Variants in PCDH15 observed in about 807,000 individuals in gnomAD.
PCDH15 encodes the protein protocadherin related 15.
A neutral mutation model predicts 178.5 loss-of-function variants in PCDH15; 129 were observed. That is an observed-to-expected ratio of 0.72 (90% CI 0.63 to 0.84). The LOEUF (loss-of-function observed/expected upper bound fraction) is 0.84, where lower values mean the gene tolerates loss of function less well. Ranked by LOEUF, PCDH15 falls within the 40% of genes least tolerant of loss-of-function variation. The pLI, the probability that PCDH15 is intolerant of heterozygous loss-of-function variation, is 0.00. For missense variants in PCDH15, 2,230 were observed against 2,099.9 expected, an observed-to-expected ratio of 1.06 and a Z score of -1.21; for synonymous variants, 800 against 732.0, an observed-to-expected ratio of 1.09 and a Z score of -1.50.
At chr10:55,017,271 A>G (rs1486633961) in intron 2 of PCDH15, among the ~76,000 whole-genome samples, 1 of 152,036 alleles carries the variant, frequency 6.6e-6, no homozygotes, top group African/African-American at 2.4e-5. Flanking sequence ...ACCTAAATTA[A>G]TTATGCCTCC....
At chr10:54,888,991 A>T (rs1394584641) in intron 3 of PCDH15, among the ~76,000 whole-genome samples, 1 of 151,850 alleles carries the variant, frequency 6.6e-6, no homozygotes, top group Non-Finnish European at 1.5e-5. Context: ...GGTGCATTTG[A>T]CACACACAAT....
intron 3 of PCDH15, among the ~76,000 whole-genome samples, chr10:54,807,060 T>C (rs1952790545): frequency 6.6e-6 from 1 of 152,184 alleles, no homozygotes; most frequent in Non-Finnish European, 1.5e-5. Context: ...AGGGAAAGGA[T>C]TTATACAAGA....
At chr10:54,058,646 C>A (rs1477729052) in intron 18 of PCDH15, among the ~76,000 whole-genome samples, 4 of 151,912 alleles carry the variant, frequency 2.6e-5, no homozygotes, top group East Asian at 1.9e-4. Flanking sequence ...GGGATACAAC[C>A]AAACCATATC....
chr10:55,302,659 G>T (rs751847466), intron 1 of PCDH15, among the ~76,000 whole-genome samples: 1 of 151,960 alleles, frequency 6.6e-6, no homozygotes, highest in Non-Finnish European at 1.5e-5. Context: ...TGATTTAAAC[G>T]GTTATCTCAT....
Position 54,858,769 on chromosome 10 carries a change from G to A in PCDH15, c.-29+38681C>T, listed in dbSNP as rs541778562. Among the ~76,000 whole-genome samples the A allele has an allele frequency of 3.3e-5, 5 of 151,950 alleles. No homozygotes were observed. The East Asian group carries it at 7.8e-4, about 24-fold the overall frequency. On this transcript the variant is annotated intron_variant, in intron 3 of 5. Coordinates refer to the PCDH15 transcript ENST00000458638. ...AAAATAATTATATATACATATGCAT[G>A]CATAACTATATAATTTATAATGGGT...
At chr10:55,003,242 T>G (rs1839836922) in intron 2 of PCDH15, among the ~76,000 whole-genome samples, 1 of 152,204 alleles carries the variant, frequency 6.6e-6, no homozygotes, top group Admixed American at 6.6e-5. Flanking sequence ...AGGGCTTGCT[T>G]CTTCCAGGGA....
At chr10:55,240,618 A>G (rs570492859) in intron 1 of PCDH15, among the ~76,000 whole-genome samples, 38 of 152,224 alleles carry the variant, frequency 2.5e-4, no homozygotes, top group Admixed American at 6.5e-4. Flanking sequence ...GTATGAGTGC[A>G]TGCAGATTTC....
chr10:54,002,867 A>G (rs954435225), intron 20 of PCDH15, among the ~76,000 whole-genome samples: 32 of 152,176 alleles, frequency 2.1e-4, no homozygotes, highest in African/African-American at 7.2e-4. Flanking sequence ...ACACAGGGAT[A>G]TAAGTCCTAG....
intron 8 of PCDH15, among the ~76,000 whole-genome samples, chr10:54,273,100 G>A (rs747897595): frequency 8.5e-5 from 13 of 152,080 alleles, no homozygotes; most frequent in Non-Finnish European, 1.9e-4. Flanking sequence ...TGACCCAAAT[G>A]TGAGAAAGAA....
At chr10:54,909,023 G>C (rs1482690934) in intron 2 of PCDH15, among the ~76,000 whole-genome samples, 1 of 152,172 alleles carries the variant, frequency 6.6e-6, no homozygotes, top group Non-Finnish European at 1.5e-5. Flanking sequence ...CGAGTGTCCA[G>C]CTTTCAGCAG....
intron 2 of PCDH15, among the ~76,000 whole-genome samples, chr10:55,432,519 C>A (rs1395347196): frequency 6.6e-6 from 1 of 151,908 alleles, no homozygotes; most frequent in African/African-American, 2.4e-5. Flanking sequence ...TTACAAATAT[C>A]CAGGTAAGAG....
chr10:54,546,278 T>C (rs950104080), intron 2 of PCDH15, among the ~76,000 whole-genome samples: 6 of 152,178 alleles, frequency 3.9e-5, no homozygotes, highest in Admixed American at 1.3e-4. Context: ...AAAATATATA[T>C]TCATGTTGTT....
rs368863828 is a variant in PCDH15, at chr10:54,317,273, G to A, written c.874C>T (p.Pro292Ser). ...YQAAIPELRT[P>S]EELNPIIVTP... ...GAGAAAGATAAGAGTATATTTACCGGAGTTCTCAACTCAGGTATGGCAGCT... is the reference window on the plus strand; with the variant it reads ...GAGAAAGATAAGAGTATATTTACCGAAGTTCTCAACTCAGGTATGGCAGCT... The change falls in exon 8 of 38, where the codon CCG (proline) becomes TCG (serine). Residue 292 changes from proline to serine, a missense_variant and splice_region_variant. By Grantham distance (74) the Pro-to-Ser change is moderately conservative (BLOSUM62 -1). Coordinates refer to ENST00000644397, the MANE Select transcript of PCDH15 (RefSeq NM_001384140.1). 2.5e-6 allele frequency: 4 copies of A among 1,613,028 alleles called. No homozygotes were observed. The African/African-American group carries it at 4.0e-5, about 16-fold the overall frequency.
chr10:54,329,541 G>T, intron 7 of PCDH15, 55 bp downstream of exon 7: 2 of 1,297,674 alleles, frequency 1.5e-6, no homozygotes, highest in Non-Finnish European at 2.2e-6. Context: ...CATTTTGGAT[G>T]AGTTTTTTAC....
chr10:54,976,794 A>G (rs1453665219), intron 2 of PCDH15, among the ~76,000 whole-genome samples: 1 of 152,122 alleles, frequency 6.6e-6, no homozygotes, highest in Non-Finnish European at 1.5e-5. Context: ...ACTTTCATTA[A>G]TCTTACAGAG....
chr10:55,067,149 T>C (rs985641291), intron 2 of PCDH15, among the ~76,000 whole-genome samples: 2 of 152,030 alleles, frequency 1.3e-5, no homozygotes, highest in Non-Finnish European at 2.9e-5. Context: ...GGTATAATTA[T>C]AGTTACTCTA....
chr10:54,410,606 A>C (rs1953345628), intron 3 of PCDH15, among the ~76,000 whole-genome samples: 3 of 152,182 alleles, frequency 2.0e-5, no homozygotes, highest in Admixed American at 6.6e-5. Context: ...AATAAATTAC[A>C]TGGAGTCCTG....
At chr10:55,328,974 A>G (rs1437685917) in intron 2 of PCDH15, among the ~76,000 whole-genome samples, 1 of 143,294 alleles carries the variant, frequency 7.0e-6, no homozygotes, top group African/African-American at 2.5e-5. Flanking sequence ...GGGGATGTAC[A>G]CAAACATTTG....
At chr10:55,203,297 T>C (rs1325088692) in intron 1 of PCDH15, among the ~76,000 whole-genome samples, 1 of 152,082 alleles carries the variant, frequency 6.6e-6, no homozygotes, top group Non-Finnish European at 1.5e-5. Context: ...AGCTGATTTC[T>C]GGATTATTAT....
Sources: gnomAD v4.1 joint callset for allele counts (sites outside exome capture counted in the v4.1 genomes callset) on GRCh38, gnomAD v4.1.1 for gene constraint, MANE v1.5 for transcripts, NCBI Gene and HGNC (gene_info 2026-07-23, HGNC 2026-07-21) for gene names.